The following ASH1L variants were observed in gnomAD, a reference collection of about 807,000 sequenced individuals.
The protein encoded by ASH1L is ASH1 like histone lysine methyltransferase.
A neutral mutation model predicts 269.0 loss-of-function variants in ASH1L; 23 were observed. That is an observed-to-expected ratio of 0.09 (90% CI 0.06 to 0.12). The LOEUF (loss-of-function observed/expected upper bound fraction) is 0.12, where lower values mean the gene tolerates loss of function less well. ASH1L is among the 10% of genes least tolerant of loss of function. The probability of loss-of-function intolerance (pLI) is 1.00; values close to 1 mark genes in which losing one functional copy is unlikely to be tolerated. For missense variants in ASH1L, 2,912 were observed against 3,567.8 expected, an observed-to-expected ratio of 0.82 and a Z score of 4.68; for synonymous variants, 1,187 against 1,253.5, an observed-to-expected ratio of 0.95 and a Z score of 1.12.
At chr1:155,505,589 T>C (rs546547672) in intron 2 of ASH1L, among the ~76,000 whole-genome samples, 6 of 152,272 alleles carry the variant, frequency 3.9e-5, no homozygotes, top group African/African-American at 1.4e-4. Context: ...AGATACAAAT[T>C]TAAGATGAAA....
chr1:155,481,725 A>T lies in ASH1L; in HGVS notation c.1145T>A (p.Leu382Gln), dbSNP rs779812452. ...CTTCTTTGCACAGTCCTTGGCCACT[A>T]GGCCAACAGTAGAACCCAATTTCTT... ...LGKKLGSTVG[L>Q]VAKDCAKKIV... Residue 382 changes from leucine to glutamine, a missense_variant, in exon 3 of 28, where the codon CTA becomes CAA. Around this residue, in one of 13 missense-constraint regions of ASH1L, gnomAD observed 277 missense variants for 367.7 expected, o/e 0.75. Coordinates refer to ENST00000392403, the MANE Select transcript of ASH1L (RefSeq NM_018489.3). 1 of 1,614,080 alleles carries T rather than the reference A, an allele frequency of 6.2e-7. No individual in the cohort carries two copies. Among genetic ancestry groups the T allele is most frequent in the African/African-American group, 1.3e-5 (1 of 74,952 alleles).
At chr1:155,441,321 G>A (rs972442972) in intron 4 of ASH1L, among the ~76,000 whole-genome samples, 12 of 123,726 alleles carry the variant, frequency 9.7e-5, no homozygotes, top group South Asian at 3.0e-4. Context: ...CCCCGGCCCC[G>A]CCACAAGCCC....
intron 1 of ASH1L, among the ~76,000 whole-genome samples, chr1:155,548,116 T>C (rs1273709228): frequency 2.0e-5 from 3 of 151,528 alleles, no homozygotes; most frequent in African/African-American, 4.9e-5. Flanking sequence ...AGTTGAACAA[T>C]GAGAACACAT....
At chr1:155,562,869 CGCCGCCACG>C (rs759377489), upstream of ASH1L, 87 of 463,340 alleles carry the variant, frequency 1.9e-4, no homozygotes, top group Admixed American at 3.2e-4. Flanking sequence ...GGCCACCAAC[CGCCGCCACG>C]GCCGCCGCCG....
At chr1:155,518,690 TG>T (rs1002826332) in intron 2 of ASH1L, among the ~76,000 whole-genome samples, 2 of 2,342 alleles carry the variant, frequency 8.5e-4, no homozygotes, top group East Asian at 0.013. Flanking sequence ...ACGGGGGCGG[TG>T]GGGGGGCGGT....
chr1:155,560,590 G>A (rs1198636743), intron 1 of ASH1L, among the ~76,000 whole-genome samples: 1 of 152,056 alleles, frequency 6.6e-6, no homozygotes, highest in Non-Finnish European at 1.5e-5. Flanking sequence ...CTCCCCTCAC[G>A]TTGTACCCAG....
rs770789015 is a variant in ASH1L, at chr1:155,480,631, A to G, written c.2239T>C (p.Cys747Arg). ...ERSELFKNVS[C>R]SSLSNSNSEP... ...GAATTACTATTTGATAGTGAGCTAC[A>G]TGAAACGTTTTTAAAAAGCTCTGAT... Residue 747 changes from cysteine (C) to arginine (R), a missense_variant, in exon 3 of 28, where the codon TGT becomes CGT. By Grantham distance (180) the Cys-to-Arg change is radical (BLOSUM62 -3). Transcript: ENST00000392403. 26 of 1,614,042 alleles carry G rather than the reference A, an allele frequency of 1.6e-5. No homozygotes were observed. The South Asian group carries it at 2.9e-4, about 18-fold the overall frequency.
chr1:155,382,170 C>T (rs940731883), intron 7 of ASH1L, among the ~76,000 whole-genome samples: 1 of 150,436 alleles, frequency 6.6e-6, no homozygotes, highest in Non-Finnish European at 1.5e-5. Context: ...CGTGCCATTA[C>T]ACTCCAGCAG....
At chr1:155,394,542 T>G (rs78966655) in intron 7 of ASH1L, among the ~76,000 whole-genome samples, 1 of 152,006 alleles carries the variant, frequency 6.6e-6, no homozygotes, top group South Asian at 2.1e-4. Flanking sequence ...GCAATGAGAT[T>G]TGGAGAGGAG....
intron 6 of ASH1L, among the ~76,000 whole-genome samples, chr1:155,411,570 TATAA>T (rs199583567): frequency 0.013 from 906 of 71,606 alleles, 56 homozygotes; most frequent in Middle Eastern, 0.024. Context: ...TAAATATGAA[TATAA>T]ATAAATAAAT....
chr1:155,489,603 A>G (rs1666605188), intron 2 of ASH1L, among the ~76,000 whole-genome samples: 1 of 151,744 alleles, frequency 6.6e-6, no homozygotes, highest in South Asian at 2.1e-4. Flanking sequence ...CGAAAAATAC[A>G]AAAAATTAGA....
intron 7 of ASH1L, among the ~76,000 whole-genome samples, chr1:155,387,360 G>C (rs1216077031): frequency 1.3e-5 from 2 of 152,208 alleles, no homozygotes; most frequent in Non-Finnish European, 2.9e-5. Flanking sequence ...TGGCTAACCA[G>C]TTATCCCAGC....
intron 1 of ASH1L, among the ~76,000 whole-genome samples, chr1:155,521,941 G>A (rs763220367): frequency 5.5e-4 from 83 of 151,948 alleles, no homozygotes; most frequent in Non-Finnish European, 7.8e-4. Context: ...ATATATTTTC[G>A]CACTCATCAG....
chr1:155,559,158 T>A (rs576432337), intron 1 of ASH1L, among the ~76,000 whole-genome samples: 1 of 152,240 alleles, frequency 6.6e-6, no homozygotes, highest in Admixed American at 6.6e-5. Flanking sequence ...CCTTTTTACA[T>A]AAACGCACTG....
intron 2 of ASH1L, among the ~76,000 whole-genome samples, chr1:155,513,446 C>A (rs1324547000): frequency 6.6e-6 from 1 of 151,660 alleles, no homozygotes; most frequent in Non-Finnish European, 1.5e-5. Flanking sequence ...GTTGTGCATG[C>A]CTGTAGCCGG....
intron 1 of ASH1L, among the ~76,000 whole-genome samples, chr1:155,525,655 T>C (rs960815891): frequency 7.2e-5 from 11 of 152,174 alleles, no homozygotes; most frequent in Non-Finnish European, 1.3e-4. Context: ...TAATGGATTC[T>C]AGACCTATGT....
chr1:155,459,206 T>C (rs1664103967), intron 4 of ASH1L, among the ~76,000 whole-genome samples: 1 of 152,068 alleles, frequency 6.6e-6, no homozygotes, highest in Admixed American at 6.6e-5. Flanking sequence ...AACAATTTTT[T>C]TTTTTTTCAG....
At chr1:155,419,033 C>G (rs552288579) in intron 5 of ASH1L, among the ~76,000 whole-genome samples, 12 of 151,920 alleles carry the variant, frequency 7.9e-5, no homozygotes, top group Non-Finnish European at 1.3e-4. Context: ...CCACTGCACT[C>G]CAGCCTGGGA....
chr1:155,557,299 G>C (rs1048075816), intron 1 of ASH1L, among the ~76,000 whole-genome samples: 1 of 151,596 alleles, frequency 6.6e-6, no homozygotes, highest in Non-Finnish European at 1.5e-5. Flanking sequence ...GTCTCGCTCT[G>C]TCACCCAGGC....
Sources: allele counts gnomAD v4.1 joint callset (sites outside exome capture counted in the v4.1 genomes callset), GRCh38; gene constraint gnomAD v4.1.1; regional missense constraint gnomAD v4.1.1; transcripts MANE v1.5; gene names NCBI Gene and HGNC (gene_info 2026-07-23, HGNC 2026-07-21).